The following CAST variants were observed in gnomAD, a reference collection of about 807,000 sequenced individuals.
The protein encoded by CAST is calpastatin.
Under a neutral mutation model 119.6 loss-of-function variants are expected in CAST, and 76 were observed. The ratio of observed to expected loss-of-function variants is 0.64; its 90% CI spans 0.53 to 0.77. The LOEUF (loss-of-function observed/expected upper bound fraction) is 0.77, where lower values mean the gene tolerates loss of function less well. Ranked by LOEUF, CAST falls within the 30% of genes least tolerant of loss-of-function variation. The probability of loss-of-function intolerance (pLI) is 0.00; values close to 1 mark genes in which losing one functional copy is unlikely to be tolerated. For missense variants in CAST, 953 were observed against 946.5 expected (o/e 1.01, Z -0.09); for synonymous variants, 319 against 331.6 (o/e 0.96, Z 0.41).
At chr5:96,163,242 T>C in the CAST span, among the ~76,000 whole-genome samples, 1 of 152,172 alleles carries the variant, frequency 6.6e-6, no homozygotes, top group Non-Finnish European at 1.5e-5. Flanking sequence ...TGTTTCTGCT[T>C]TCATTCCTGA....
chr5:96,391,863 A>G, the CAST span: 4 of 152,242 alleles, frequency 2.6e-5, no homozygotes, highest in African/African-American at 9.6e-5. Context: ...CTGAGGGACA[A>G]TTAAGGTCCA....
At chr5:96,426,194 G>A in the CAST span, among the ~76,000 whole-genome samples, 1 of 152,126 alleles carries the variant, frequency 6.6e-6, no homozygotes, top group African/African-American at 2.4e-5. Context: ...TTTACATTGT[G>A]GTTACAGTGG....
the CAST span, among the ~76,000 whole-genome samples, chr5:96,434,717 A>G: frequency 0.99 from 150,394 of 152,152 alleles, 74,340 homozygotes; most frequent in East Asian, 1. Context: ...GAAAGCATAT[A>G]AACAAGTGGA....
the CAST span, among the ~76,000 whole-genome samples, chr5:96,277,453 G>A: frequency 6.6e-6 from 1 of 151,578 alleles, no homozygotes; most frequent in Non-Finnish European, 1.5e-5. Flanking sequence ...TCTTTTATAT[G>A]CTTATTGGTC....
At chr5:96,481,253 A>T in the CAST span, among the ~76,000 whole-genome samples, 1 of 151,986 alleles carries the variant, frequency 6.6e-6, no homozygotes, top group South Asian at 2.1e-4. Flanking sequence ...TTGCATACTG[A>T]CTGTGAATCT....
At chr5:96,299,683 C>G in the CAST span, among the ~76,000 whole-genome samples, 4 of 152,214 alleles carry the variant, frequency 2.6e-5, no homozygotes, top group African/African-American at 9.6e-5. Context: ...TTCACGTATA[C>G]ATCCATAGCA....
the CAST span, among the ~76,000 whole-genome samples, chr5:96,089,506 T>C: frequency 6.6e-6 from 1 of 152,250 alleles, no homozygotes; most frequent in African/African-American, 2.4e-5. Flanking sequence ...CATACATCCA[T>C]ACAATAGATT....
At chr5:96,753,810 T>C (rs1002402438) in intron 20 of CAST, among the ~76,000 whole-genome samples, 1 of 152,218 alleles carries the variant, frequency 6.6e-6, no homozygotes, top group African/African-American at 2.4e-5. Flanking sequence ...AAACCAACTC[T>C]GGGTCAGGTC....
intron 2 of CAST, among the ~76,000 whole-genome samples, chr5:96,691,190 A>T (rs903414371): frequency 6.6e-6 from 1 of 152,190 alleles, no homozygotes; most frequent in Non-Finnish European, 1.5e-5. Context: ...ATCTTATGGG[A>T]CCACTGTTCC....
At chr5:96,061,139 T>G in the CAST span, among the ~76,000 whole-genome samples, 3 of 152,066 alleles carry the variant, frequency 2.0e-5, no homozygotes, top group Non-Finnish European at 4.4e-5. Context: ...GCTTCAACAA[T>G]TTTTGGAGGG....
the CAST span, among the ~76,000 whole-genome samples, chr5:96,307,798 G>A: frequency 6.6e-6 from 1 of 152,214 alleles, no homozygotes; most frequent in Non-Finnish European, 1.5e-5. Context: ...ATTCTGGCTT[G>A]TAGGGTTTCT....
the CAST span, among the ~76,000 whole-genome samples, chr5:96,472,818 C>T: frequency 1.3e-5 from 2 of 152,194 alleles, no homozygotes; most frequent in Non-Finnish European, 2.9e-5. Context: ...AATCTAATTA[C>T]CAAGTGGGTC....
chr5:96,559,775 G>T (rs1284676638), intron 1 of CAST, among the ~76,000 whole-genome samples: 1 of 152,072 alleles, frequency 6.6e-6, no homozygotes, highest in Non-Finnish European at 1.5e-5. Context: ...AATGGCTATA[G>T]TGCCCAAGGT....
the CAST span, among the ~76,000 whole-genome samples, chr5:96,462,304 G>C: frequency 6.6e-6 from 1 of 151,998 alleles, no homozygotes; most frequent in Non-Finnish European, 1.5e-5. Flanking sequence ...CCCAGCACTT[G>C]ACATCAAGTA....
At chr5:96,372,407 G>A in the CAST span, among the ~76,000 whole-genome samples, 1 of 152,124 alleles carries the variant, frequency 6.6e-6, no homozygotes, top group Non-Finnish European at 1.5e-5. Context: ...TCTAGCCAAT[G>A]GATATCATCA....
At chr5:96,621,471 T>C (rs1001266861) in intron 1 of CAST, among the ~76,000 whole-genome samples, 6 of 152,284 alleles carry the variant, frequency 3.9e-5, no homozygotes, top group African/African-American at 1.2e-4. Context: ...TCAGGAAACT[T>C]ACAGTCATGG....
chr5:96,751,430 T>C (rs1469951532), intron 20 of CAST, among the ~76,000 whole-genome samples: 2 of 152,138 alleles, frequency 1.3e-5, no homozygotes, highest in South Asian at 2.1e-4. Context: ...CTTCCTGTAA[T>C]AGATAAGGGA....
At chr5:96,067,152 C>T in the CAST span, among the ~76,000 whole-genome samples, 6 of 152,212 alleles carry the variant, frequency 3.9e-5, no homozygotes, top group South Asian at 1.2e-3. Context: ...GGTACTCAAT[C>T]CTTTGTTTAA....
At chr5:96,166,944 G>C in the CAST span, among the ~76,000 whole-genome samples, 1,177 of 152,250 alleles carry the variant, frequency 7.7e-3, 18 homozygotes, top group African/African-American at 0.027. Flanking sequence ...GTGGGATTAC[G>C]AGCGGCTTGG....
Sources: gnomAD v4.1 joint callset for allele counts (sites outside exome capture counted in the v4.1 genomes callset) on GRCh38, gnomAD v4.1.1 for gene constraint, MANE v1.5 for transcripts, NCBI Gene and HGNC (gene_info 2026-07-23, HGNC 2026-07-21) for gene names.